Variants in CDH7 observed in about 807,000 individuals in gnomAD.
CDH7 encodes cadherin-7.
CDH7 carries 25 observed loss-of-function variants against 71.8 expected under a neutral mutation model. The observed-to-expected ratio is 0.35, with a 90% CI of 0.25 to 0.49. The LOEUF (loss-of-function observed/expected upper bound fraction) is 0.49, where lower values mean the gene tolerates loss of function less well. Among genes scored for constraint, CDH7 ranks in the 20% least tolerant of loss-of-function variants. The pLI is 0.99. For synonymous variants in CDH7, 381 were observed against 363.8 expected (o/e 1.05, Z -0.54); for missense variants, 862 against 974.6 (o/e 0.88, Z 1.54).
chr18:65,810,912 A>G (rs1180167278), intron 3 of CDH7, among the ~76,000 whole-genome samples: 2 of 152,234 alleles, frequency 1.3e-5, no homozygotes, highest in Admixed American at 6.5e-5. Flanking sequence ...CGCCATTACT[A>G]GAAAGATACC....
chr18:65,869,769 A>G (rs961920951), intron 11 of CDH7, among the ~76,000 whole-genome samples: 1 of 152,052 alleles, frequency 6.6e-6, no homozygotes, highest in Non-Finnish European at 1.5e-5. Context: ...CATTATTTAT[A>G]TCAGCTAATC....
chr18:65,819,088 A>T lies in CDH7; in HGVS notation c.626-2993A>T, dbSNP rs114604178. On this transcript the variant is annotated intron_variant, in intron 4 of 11. Coordinates refer to ENST00000397968, the MANE Select transcript of CDH7 (RefSeq NM_004361.5). The stretch of plus-strand genomic sequence containing the variant: ...ACATAAGAGATCGCTAGCTGCCCTC[A>T]TTGCTCATTGGCATAAGACACTCCC... Among the ~76,000 whole-genome samples the T allele has an allele frequency of 7.3e-3, 1,112 of 152,144 alleles. 12 individuals carry two copies. The highest frequency in any genetic ancestry group is 0.026 in the African/African-American group (1,067 of 41,498).
At chr18:65,836,469 A>G (rs1912536440) in intron 6 of CDH7, among the ~76,000 whole-genome samples, 1 of 152,144 alleles carries the variant, frequency 6.6e-6, no homozygotes, top group Non-Finnish European at 1.5e-5. Flanking sequence ...TGATGAAAAT[A>G]ATATCTCCTG....
chr18:65,814,401 T>C, intron 3 of CDH7, 84 bp from the exon 4 acceptor site: 2 of 1,432,988 alleles, frequency 1.4e-6, no homozygotes, highest in Non-Finnish European at 2.0e-6. Context: ...ATAAGCTTAA[T>C]GTGGAATCAG....
chr18:65,866,331 CA>C lies in CDH7; in HGVS notation c.1864+3431del, dbSNP rs1291511991. The C allele has an allele frequency of 3.8e-3, 10 of 2,604 alleles. 1 individual carries two copies. Among genetic ancestry groups the C allele is most frequent in the African/African-American group, 9.0e-3 (10 of 1,116 alleles). 0.2% of individuals were successfully genotyped at this position (2,604 alleles called of 1,614,324 possible). A position where few individuals can be genotyped will look rare whatever the true frequency, so the allele number is the denominator to read the frequency against. ...AAAAAAAAACAAAAAAAAAAAAAAACAAAAAAAAAAAAAAAAAGAATGAAAC... is the reference window on the plus strand; with the variant it reads ...AAAAAAAAACAAAAAAAAAAAAAAACAAAAAAAAAAAAAAAAGAATGAAAC... On this transcript the variant is annotated intron_variant, in intron 11 of 11. Coordinates refer to ENST00000397968, the MANE Select transcript of CDH7 (RefSeq NM_004361.5).
chr18:65,857,691 T>C, intron 7 of CDH7, 125 bp from the exon 8 acceptor site: 1 of 888,558 alleles, frequency 1.1e-6, no homozygotes, highest in Non-Finnish European at 1.7e-6. Context: ...ATTTATGTGA[T>C]TAATATGACA....
chr18:65,809,869 G>C lies in CDH7; in HGVS notation c.376G>C (p.Asp126His). The C allele has an allele frequency of 6.2e-7, 1 of 1,613,984 alleles. No individual in the cohort carries two copies. Among genetic ancestry groups the C allele is most frequent in the South Asian group, 1.1e-5 (1 of 91,072 alleles). The part of the protein sequence containing the change: ...AYYTLRAQAL[D>H]RLTNKPVEPE... Reference sequence around the variant, plus strand: ...CTACACGCTCCGAGCTCAAGCGCTGGATAGGCTCACCAACAAACCCGTGGA... The same window carrying C: ...CTACACGCTCCGAGCTCAAGCGCTGCATAGGCTCACCAACAAACCCGTGGA... Residue 126 changes from aspartate to histidine, a missense_variant, in exon 3 of 12, where the codon GAT (aspartate) becomes CAT (histidine). Physicochemically the swap from Asp to His is moderately conservative, Grantham distance 81. Transcript: ENST00000397968.
intron 2 of CDH7, among the ~76,000 whole-genome samples, chr18:65,781,831 T>TG (rs1568181537): frequency 2.7e-5 from 2 of 74,028 alleles, no homozygotes; most frequent in African/African-American, 2.1e-4. Context: ...TCTTTCTTTC[T>TG]TTCTTTCTTT....
rs922098641 is a variant in CDH7 at position 65,880,956 on chromosome 18, G to A, written c.*62G>A. 7.5e-6 allele frequency: 11 copies of A among 1,473,380 alleles called. No homozygotes were observed. Among genetic ancestry groups the A allele is most frequent in the East Asian group, 2.3e-5 (1 of 42,982 alleles). 91.3% of individuals were successfully genotyped at this position (1,473,380 alleles called of 1,614,324 possible). ...GTAACAGCAAAAAATAAAATAAAAT[G>A]AAATAAAATAATAAACCACTACATA... On this transcript the variant is annotated 3_prime_UTR_variant, in exon 12 of 12. Coordinates refer to ENST00000397968, the MANE Select transcript of CDH7 (RefSeq NM_004361.5).
intron 7 of CDH7, among the ~76,000 whole-genome samples, chr18:65,855,967 TAAAG>T (rs1469584051): frequency 1.3e-5 from 2 of 150,162 alleles, no homozygotes; most frequent in Admixed American, 6.6e-5. Context: ...ATTAAGAAAT[TAAAG>T]AAGAAAAAAC....
chr18:65,787,659 G>C (rs1395525244), intron 2 of CDH7, among the ~76,000 whole-genome samples: 2 of 152,208 alleles, frequency 1.3e-5, no homozygotes, highest in African/African-American at 4.8e-5. Context: ...GAACTGCAAA[G>C]TCATAAGGCA....
At chr18:65,839,640 A>G (rs1480543267) in intron 6 of CDH7, among the ~76,000 whole-genome samples, 2 of 152,212 alleles carry the variant, frequency 1.3e-5, no homozygotes, top group Non-Finnish European at 2.9e-5. Flanking sequence ...CTCTTAATGT[A>G]AAAAAGTTTT....
intron 2 of CDH7, among the ~76,000 whole-genome samples, chr18:65,782,663 T>C (rs1192680087): frequency 6.6e-6 from 1 of 152,206 alleles, no homozygotes; most frequent in Admixed American, 6.5e-5. Flanking sequence ...CTTGTGAGAC[T>C]ATGGTCCCAA....
chr18:65,773,008 A>G (rs924925708), intron 2 of CDH7, among the ~76,000 whole-genome samples: 1 of 152,056 alleles, frequency 6.6e-6, no homozygotes, highest in Admixed American at 6.6e-5. Flanking sequence ...ATTTATGTTT[A>G]ATTTCTCTGT....
In CDH7 at chr18:65,776,475, C is replaced by A. The variant is rs182249423; in HGVS notation, c.210+13423C>A. ...TTCTATTCTCAAATACTTTTCAAAT[C>A]CTGAAAGCTAATGAAATCCTTGAGA... On this transcript the variant is annotated intron_variant, in intron 2 of 11. Coordinates refer to ENST00000397968, the MANE Select transcript of CDH7 (RefSeq NM_004361.5). 1.9e-3 allele frequency among the ~76,000 whole-genome samples: 286 copies of A among 151,480 alleles called. 2 individuals carry two copies. Among genetic ancestry groups the A allele is most frequent in the Middle Eastern group, 0.01 (3 of 294 alleles).
chr18:65,856,225 C>G (rs1913349431), intron 7 of CDH7, among the ~76,000 whole-genome samples: 1 of 152,132 alleles, frequency 6.6e-6, no homozygotes, highest in Non-Finnish European at 1.5e-5. Context: ...AGAGCTAAAA[C>G]TGCCCTACAA....
chr18:65,792,698 C>G (rs1178898397), intron 2 of CDH7, among the ~76,000 whole-genome samples: 1 of 152,070 alleles, frequency 6.6e-6, no homozygotes, highest in Non-Finnish European at 1.5e-5. Flanking sequence ...AATCAAAACA[C>G]TCTTCACTCT....
chr18:65,774,289 G>C (rs1301290547), intron 2 of CDH7, among the ~76,000 whole-genome samples: 1 of 151,838 alleles, frequency 6.6e-6, no homozygotes, highest in African/African-American at 2.4e-5. Context: ...GAAATAACTA[G>C]TGAATACCTT....
chr18:65,817,718 G>C (rs1911770418), intron 4 of CDH7, among the ~76,000 whole-genome samples: 1 of 152,130 alleles, frequency 6.6e-6, no homozygotes, highest in Non-Finnish European at 1.5e-5. Context: ...AGCCAGGGCT[G>C]TGTATTTCTT....
Sources: allele counts gnomAD v4.1 joint callset (sites outside exome capture counted in the v4.1 genomes callset), GRCh38; gene constraint gnomAD v4.1.1; transcripts MANE v1.5; gene names NCBI Gene and HGNC (gene_info 2026-07-23, HGNC 2026-07-21).